RASSF8: variants seen among roughly 807,000 people sequenced by gnomAD.
RASSF8 encodes Ras association domain family member 8, also known as ras association domain-containing protein 8.
RASSF8 carries 22 observed loss-of-function variants against 48.5 expected under a neutral mutation model. That is an observed-to-expected ratio of 0.45 (90% confidence interval 0.32 to 0.65). The LOEUF (loss-of-function observed/expected upper bound fraction) is 0.65, where lower values mean the gene tolerates loss of function less well. RASSF8 is among the 30% of genes least tolerant of loss of function. RASSF8 has a pLI of 0.03. For synonymous variants in RASSF8, 127 were observed against 171.5 expected, an observed-to-expected ratio of 0.74 and a Z score of 2.03; for missense variants, 418 against 489.2, an observed-to-expected ratio of 0.85 and a Z score of 1.37.
rs1171365388 is a variant in RASSF8 at position 26,072,022 on chromosome 12, T to G, written c.*3204T>G. On this transcript the variant is annotated 3_prime_UTR_variant, in exon 6 of 6. Coordinates refer to ENST00000689635, the MANE Select transcript of RASSF8 (RefSeq NM_001394098.1). Reference sequence around the variant, plus strand: ...AACATCTTCCAAGATAGAACTGTAATGGATTGAGGAAATAACACAGAAAAG... The same window carrying G: ...AACATCTTCCAAGATAGAACTGTAAGGGATTGAGGAAATAACACAGAAAAG... 1.0e-6 allele frequency: 1 copy of G among 985,252 alleles called. No homozygotes were observed. Among genetic ancestry groups the G allele is most frequent in the African/African-American group, 1.7e-5 (1 of 57,248 alleles). 61.0% of individuals were successfully genotyped at this position (985,252 alleles called of 1,614,324 possible).
chr12:26,072,527 T>C lies in RASSF8; in HGVS notation c.*3709T>C, dbSNP rs1466423183. The C allele has an allele frequency of 3.1e-6, 3 of 978,568 alleles. No individual in the cohort carries two copies. In the East Asian group the frequency reaches 3.4e-4, roughly 112 times the overall value. 60.6% of individuals were successfully genotyped at this position (978,568 alleles called of 1,614,324 possible). A position where few individuals can be genotyped will look rare whatever the true frequency, so the allele number is the denominator to read the frequency against. On this transcript the variant is annotated 3_prime_UTR_variant, in exon 6 of 6. Coordinates refer to ENST00000689635, the MANE Select transcript of RASSF8 (RefSeq NM_001394098.1). ...ATAAAGGCAATAAAGTATATACATA[T>C]ATATGGGGGGAGGGGAAAGATTAAA... is the stretch of plus-strand genomic sequence containing the variant.
intron 2 of RASSF8, among the ~76,000 whole-genome samples, chr12:26,030,534 C>T (rs973860672): frequency 6.6e-6 from 1 of 152,166 alleles, no homozygotes; most frequent in Admixed American, 6.5e-5. Flanking sequence ...GTTTTTACAG[C>T]CTGTGATGCT....
intron 3 of RASSF8, among the ~76,000 whole-genome samples, chr12:26,056,911 G>C (rs551379896): frequency 2.6e-5 from 4 of 151,986 alleles, no homozygotes; most frequent in African/African-American, 9.7e-5. Context: ...CTTAATTTAT[G>C]TGAATTAAAA....
At chr12:25,960,196 A>T (rs1941197395) in intron 1 of RASSF8, among the ~76,000 whole-genome samples, 1 of 152,172 alleles carries the variant, frequency 6.6e-6, no homozygotes, top group African/African-American at 2.4e-5. Context: ...TCTCCATTAG[A>T]TTAACCACTC....
At chr12:25,997,398 T>C (rs1352971556) in intron 2 of RASSF8, among the ~76,000 whole-genome samples, 3 of 152,178 alleles carry the variant, frequency 2.0e-5, no homozygotes, top group African/African-American at 7.2e-5. Flanking sequence ...AGTAATGTAC[T>C]GTGCCTCTGG....
At chr12:26,048,509 T>C (rs538666874) in intron 2 of RASSF8, among the ~76,000 whole-genome samples, 1 of 152,198 alleles carries the variant, frequency 6.6e-6, no homozygotes, top group Non-Finnish European at 1.5e-5. Flanking sequence ...CTACTAGTAC[T>C]GGAGAGATTG....
At chr12:26,062,885 T>C (rs1943775824) in intron 3 of RASSF8, among the ~76,000 whole-genome samples, 1 of 152,164 alleles carries the variant, frequency 6.6e-6, no homozygotes, top group South Asian at 2.1e-4. Context: ...GAAGTTGTGC[T>C]GCTTATCTAG....
In RASSF8 at chr12:26,048,002, C is replaced by A. The variant is rs12297279; in HGVS notation, c.-108-7234C>A. Among the ~76,000 whole-genome samples the A allele has an allele frequency of 2.0e-5, 3 of 152,102 alleles. 1 individual carries two copies. The highest frequency in any genetic ancestry group is 4.4e-5 in the Non-Finnish European group (3 of 68,028). The stretch of plus-strand genomic sequence containing the variant: ...GCCGTAAGGGTCCATTTAAAGGAAG[C>A]GGCTAGAAAGCAGGAAGCCCAGTCC... On this transcript the variant is annotated intron_variant, in intron 2 of 5. Coordinates refer to ENST00000689635, the MANE Select transcript of RASSF8 (RefSeq NM_001394098.1).
intron 2 of RASSF8, among the ~76,000 whole-genome samples, chr12:26,043,060 A>G (rs1021342865): frequency 2.0e-5 from 3 of 152,162 alleles, no homozygotes; most frequent in Admixed American, 1.3e-4. Context: ...TTATTCGACA[A>G]ACACACATGG....
At chr12:26,065,819 C>T (rs1943861401) in intron 4 of RASSF8, among the ~76,000 whole-genome samples, 1 of 152,196 alleles carries the variant, frequency 6.6e-6, no homozygotes, top group South Asian at 2.1e-4. Flanking sequence ...GCCCCCGTCC[C>T]TTCTCCCCTC....
At chr12:26,073,730 A>ACACTCTCT (rs145089685), downstream of RASSF8, among the ~76,000 whole-genome samples, 4 of 138,246 alleles carry the variant, frequency 2.9e-5, no homozygotes, top group Non-Finnish European at 4.6e-5. Context: ...CAAAAGCGAG[A>ACACTCTCT]CTCTCTCTCT....
chr12:26,055,650 A>T (rs1943586480), intron 3 of RASSF8, among the ~76,000 whole-genome samples: 1 of 152,018 alleles, frequency 6.6e-6, no homozygotes, highest in African/African-American at 2.4e-5. Flanking sequence ...AGATTTTACT[A>T]ACCCTGAGTT....
intron 2 of RASSF8, among the ~76,000 whole-genome samples, chr12:26,044,329 G>C (rs16929948): frequency 5.3e-5 from 8 of 152,062 alleles, no homozygotes; most frequent in Non-Finnish European, 1.0e-4. Context: ...TGAAATTGTA[G>C]GACTTAAATA....
At chr12:26,065,611 G>A (rs1236587210) in intron 4 of RASSF8, among the ~76,000 whole-genome samples, 1 of 152,168 alleles carries the variant, frequency 6.6e-6, no homozygotes, top group East Asian at 1.9e-4. Context: ...GACAGTTGTA[G>A]CGTTAGATAA....
rs570556857 is a variant in RASSF8 at position 26,051,576 on chromosome 12, C to G, written c.-108-3660C>G. ...TTGGCAGACCAAAATTTACCCAAATCGTTAATTCAGAAATAAGTGCTATTC... is the reference window on the plus strand; with the variant it reads ...TTGGCAGACCAAAATTTACCCAAATGGTTAATTCAGAAATAAGTGCTATTC... On this transcript the variant is annotated intron_variant, in intron 2 of 5. Transcript: ENST00000689635. 2.8e-3 allele frequency among the ~76,000 whole-genome samples: 421 copies of G among 152,174 alleles called. 1 individual carries two copies. Among genetic ancestry groups the G allele is most frequent in the Non-Finnish European group, 4.9e-3 (330 of 68,002 alleles).
chr12:26,053,187 G>GA (rs34156987), intron 2 of RASSF8, among the ~76,000 whole-genome samples: 26 of 146,610 alleles, frequency 1.8e-4, no homozygotes, highest in South Asian at 1.3e-3. Context: ...TTCCACAATT[G>GA]AAAAAAAAAA....
chr12:25,969,115 G>T (rs1045938509), intron 1 of RASSF8, among the ~76,000 whole-genome samples: 2 of 152,198 alleles, frequency 1.3e-5, no homozygotes, highest in African/African-American at 2.4e-5. Flanking sequence ...GGTAGTGGGG[G>T]TCCCTATACC....
chr12:26,022,312 C>A (rs1479922137), intron 2 of RASSF8, among the ~76,000 whole-genome samples: 1 of 152,172 alleles, frequency 6.6e-6, no homozygotes, highest in East Asian at 1.9e-4. Context: ...CTTCACGCTG[C>A]AGGAGAAATA....
chr12:25,968,353 A>T (rs530135828), intron 1 of RASSF8, among the ~76,000 whole-genome samples: 66 of 151,678 alleles, frequency 4.4e-4, no homozygotes, highest in African/African-American at 1.4e-3. Flanking sequence ...TTATTTATTT[A>T]TTTTTTTGAG....
Sources: gnomAD v4.1 joint callset for allele counts (sites outside exome capture counted in the v4.1 genomes callset) on GRCh38, gnomAD v4.1.1 for gene constraint, MANE v1.5 for transcripts, NCBI Gene and HGNC (gene_info 2026-07-23, HGNC 2026-07-21) for gene names.